The following STK38L variants were observed in gnomAD, a reference collection of about 807,000 sequenced individuals.
The protein encoded by STK38L is serine/threonine-protein kinase 38-like.
In STK38L, 28 loss-of-function variants were observed where a neutral mutation model predicts 59.7. The observed-to-expected ratio is 0.47, with a 90% CI of 0.35 to 0.64. STK38L has a LOEUF of 0.64. Among genes scored for constraint, STK38L ranks in the 30% least tolerant of loss-of-function variants. STK38L has a pLI of 0.01. For synonymous variants in STK38L, 162 were observed against 176.8 expected (o/e 0.92, Z 0.66); for missense variants, 314 against 555.8 (o/e 0.56, Z 4.37).
intron 1 of STK38L, among the ~76,000 whole-genome samples, chr12:27,292,966 G>C (rs1943929249): frequency 6.6e-6 from 1 of 151,864 alleles, no homozygotes. Context: ...TTTTAGCCTA[G>C]ATCTCACTCT....
chr12:27,300,700 T>C, intron 2 of STK38L: 1 of 443,294 alleles, frequency 2.3e-6, no homozygotes, highest in Non-Finnish European at 4.5e-6. Context: ...CAAAAATCAG[T>C]GTAATAAGCA....
chr12:27,247,814 A>ATTTT (rs11448972), intron 1 of STK38L, among the ~76,000 whole-genome samples: 32 of 126,570 alleles, frequency 2.5e-4, no homozygotes, highest in African/African-American at 9.5e-4. Context: ...TTGTTCTGTA[A>ATTTT]TTTTTTTTTT....
intron 1 of STK38L, among the ~76,000 whole-genome samples, chr12:27,278,794 G>A (rs543965696): frequency 5.9e-5 from 9 of 152,230 alleles, no homozygotes; most frequent in South Asian, 2.1e-4. Context: ...AAATACCTTG[G>A]CAAAGTAGCT....
At chr12:27,265,614 A>G (rs1292999390) in intron 1 of STK38L, among the ~76,000 whole-genome samples, 1 of 152,174 alleles carries the variant, frequency 6.6e-6, no homozygotes, top group African/African-American at 2.4e-5. Context: ...AAAATTATTG[A>G]TTGAATGAAA....
intron 1 of STK38L, among the ~76,000 whole-genome samples, chr12:27,264,895 G>A (rs1402692235): frequency 6.6e-6 from 1 of 152,178 alleles, no homozygotes; most frequent in African/African-American, 2.4e-5. Context: ...AGACAAGACT[G>A]GCTGTTGGAT....
intron 1 of STK38L, among the ~76,000 whole-genome samples, chr12:27,290,932 C>CT (rs1482514195): frequency 6.6e-6 from 1 of 152,180 alleles, no homozygotes; most frequent in Non-Finnish European, 1.5e-5. Flanking sequence ...GTTGTAATCT[C>CT]TGACTATTCA....
At chr12:27,296,685 C>T (rs922296521) in intron 1 of STK38L, among the ~76,000 whole-genome samples, 10 of 152,158 alleles carry the variant, frequency 6.6e-5, no homozygotes, top group Admixed American at 1.3e-4. Flanking sequence ...TGGTCTGTTA[C>T]GATCTTCATC....
chr12:27,249,373 T>G (rs913737825), intron 1 of STK38L, among the ~76,000 whole-genome samples: 1 of 152,206 alleles, frequency 6.6e-6, no homozygotes, highest in East Asian at 1.9e-4. Context: ...AGTTTCACTC[T>G]TGTTGCCAAG....
At chr12:27,289,505 AAAAC>A (rs1410091408) in intron 1 of STK38L, among the ~76,000 whole-genome samples, 1 of 152,220 alleles carries the variant, frequency 6.6e-6, no homozygotes, top group Non-Finnish European at 1.5e-5. Flanking sequence ...AACTATTTCG[AAAAC>A]AGTTTTGAAA....
intron 1 of STK38L, among the ~76,000 whole-genome samples, chr12:27,250,540 T>C (rs539215172): frequency 6.6e-6 from 1 of 152,318 alleles, no homozygotes; most frequent in Non-Finnish European, 1.5e-5. Flanking sequence ...TATCCCTTAC[T>C]ATGCACCAGA....
At chr12:27,248,124 A>G (rs1942896491) in intron 1 of STK38L, among the ~76,000 whole-genome samples, 1 of 152,166 alleles carries the variant, frequency 6.6e-6, no homozygotes, top group African/African-American at 2.4e-5. Flanking sequence ...CTGTTCTATA[A>G]TTTTTTAAAC....
At chr12:27,254,681 C>T (rs1036093887) in intron 1 of STK38L, among the ~76,000 whole-genome samples, 1 of 152,070 alleles carries the variant, frequency 6.6e-6, no homozygotes, top group Non-Finnish European at 1.5e-5. Flanking sequence ...CGGTTGGCAG[C>T]TGTTTTGGCT....
At chr12:27,253,927 A>G (rs1454992351) in intron 1 of STK38L, among the ~76,000 whole-genome samples, 2 of 152,328 alleles carry the variant, frequency 1.3e-5, no homozygotes, top group East Asian at 3.9e-4. Context: ...TGTTGCCTCT[A>G]GTAGCCTCTT....
chr12:27,246,786 G>A (rs1670753549), intron 1 of STK38L, among the ~76,000 whole-genome samples: 1 of 152,142 alleles, frequency 6.6e-6, no homozygotes, highest in African/African-American at 2.4e-5. Flanking sequence ...CCAGGTAAAA[G>A]TTTGCTAATT....
At chr12:27,309,966 G>A (rs555335278) in intron 5 of STK38L, among the ~76,000 whole-genome samples, 36 of 152,286 alleles carry the variant, frequency 2.4e-4, no homozygotes, top group African/African-American at 8.4e-4. Flanking sequence ...GGGTGGCTTC[G>A]AGTAAAGGAG....
At chr12:27,282,439 AT>A (rs1189096560) in intron 1 of STK38L, among the ~76,000 whole-genome samples, 5 of 152,230 alleles carry the variant, frequency 3.3e-5, no homozygotes, top group Non-Finnish European at 7.3e-5. Flanking sequence ...ACAGTCTTAA[AT>A]CATGCAGCTT....
In STK38L at chr12:27,297,712, TC is replaced by T. The variant is rs1159347647; in HGVS notation, c.-7del. 6.2e-7 allele frequency: 1 copy of T among 1,606,568 alleles called. No homozygotes were observed. Among genetic ancestry groups the T allele is most frequent in the South Asian group, 1.1e-5 (1 of 89,706 alleles). On this transcript the variant is annotated 5_prime_UTR_variant, in exon 2 of 14. Transcript: ENST00000389032. ...TTTGTTTTTCTATGTTGTTTCAGTT[TC>T]CGTTACTATGGCAATGACGGCAGGG...
At chr12:27,286,175 G>A (rs1445659013) in intron 1 of STK38L, among the ~76,000 whole-genome samples, 1 of 151,852 alleles carries the variant, frequency 6.6e-6, no homozygotes, top group Admixed American at 6.6e-5. Context: ...TTGGTTTATA[G>A]GAAAAAAAAT....
chr12:27,251,723 G>A (rs10842886), intron 1 of STK38L, among the ~76,000 whole-genome samples: 9,427 of 152,222 alleles, frequency 0.062, 388 homozygotes, highest in Non-Finnish European at 0.095. Context: ...TTATAGCATG[G>A]CATTTTCTAA....
Sources: gnomAD v4.1 joint callset for allele counts (sites outside exome capture counted in the v4.1 genomes callset) on GRCh38, gnomAD v4.1.1 for gene constraint, MANE v1.5 for transcripts, NCBI Gene and HGNC (gene_info 2026-07-23, HGNC 2026-07-21) for gene names.